Variants in OPCML observed in about 807,000 individuals in gnomAD.
OPCML encodes opioid-binding protein/cell adhesion molecule.
In OPCML, 13 loss-of-function variants were observed where a neutral mutation model predicts 37.8. The ratio of observed to expected loss-of-function variants is 0.34; its 90% CI spans 0.22 to 0.55. The LOEUF is 0.55. Among genes scored for constraint, OPCML ranks in the 20% least tolerant of loss-of-function variants. The pLI is 0.91. For missense variants in OPCML, 341 were observed against 435.6 expected (o/e 0.78, Z 1.93); for synonymous variants, 176 against 168.8 (o/e 1.04, Z -0.33).
At position 133,293,529 on chromosome 11, in the gene OPCML, A is replaced by T. The variant is rs562280805; in HGVS notation, c.61+238735T>A. 6.6e-5 allele frequency among the ~76,000 whole-genome samples: 10 copies of T among 152,258 alleles called. No homozygotes were observed. In the South Asian group the frequency reaches 2.1e-3, roughly 32 times the overall value. On this transcript the variant is annotated intron_variant, in intron 1 of 7. Transcript: ENST00000524381. ...AATGCTGGCTACTAAGTAATAAATA[A>T]CTAAATGTGTAGCATCTCTCCTTCC... is the stretch of plus-strand genomic sequence containing the variant.
intron 1 of OPCML, among the ~76,000 whole-genome samples, chr11:133,196,011 G>A (rs1423700539): frequency 6.6e-6 from 1 of 152,194 alleles, no homozygotes; most frequent in Non-Finnish European, 1.5e-5. Context: ...AGTGAGTTGA[G>A]ACTTTTGTTT....
intron 1 of OPCML, among the ~76,000 whole-genome samples, chr11:133,141,003 C>CGAAGAAGACGAAGAAGACGAAGAA (rs1315137469): frequency 3.8e-4 from 2 of 5,270 alleles, no homozygotes; most frequent in African/African-American, 7.9e-4. Flanking sequence ...AAGAAGACGA[C>CGAAGAAGACGAAGAAGACGAAGAA]GACGACGACG....
chr11:132,733,426 A>G (rs1945152007), intron 2 of OPCML, among the ~76,000 whole-genome samples: 1 of 152,174 alleles, frequency 6.6e-6, no homozygotes, highest in Non-Finnish European at 1.5e-5. Context: ...GGGGAAATAA[A>G]TTGGATATAT....
chr11:132,795,115 G>GAC (rs150540717), intron 2 of OPCML, among the ~76,000 whole-genome samples: 83 of 150,236 alleles, frequency 5.5e-4, no homozygotes, highest in Middle Eastern at 3.5e-3. Flanking sequence ...CACACACACA[G>GAC]ACACACACAC....
intron 2 of OPCML, among the ~76,000 whole-genome samples, chr11:132,737,019 T>A (rs1438813792): frequency 6.6e-6 from 1 of 152,214 alleles, no homozygotes; most frequent in African/African-American, 2.4e-5. Context: ...TGAAGTGGAT[T>A]TTGTTCCTTG....
chr11:133,338,576 T>C (rs751454656), intron 1 of OPCML, among the ~76,000 whole-genome samples: 2 of 152,326 alleles, frequency 1.3e-5, no homozygotes, highest in African/African-American at 2.4e-5. Flanking sequence ...TACTCTGCAC[T>C]GGACTTACCA....
At chr11:132,957,902 C>A (rs1946005186) in intron 1 of OPCML, among the ~76,000 whole-genome samples, 1 of 152,140 alleles carries the variant, frequency 6.6e-6, no homozygotes, top group African/African-American at 2.4e-5. Context: ...CCTCCCTGTT[C>A]CCTGAGACAC....
At chr11:132,727,977 T>C (rs1944945422) in intron 2 of OPCML, among the ~76,000 whole-genome samples, 1 of 152,174 alleles carries the variant, frequency 6.6e-6, no homozygotes, top group Non-Finnish European at 1.5e-5. Flanking sequence ...CAGTGGGGTT[T>C]GTCCTTCAGA....
At chr11:133,081,685 C>T (rs1948719290) in intron 1 of OPCML, among the ~76,000 whole-genome samples, 1 of 152,186 alleles carries the variant, frequency 6.6e-6, no homozygotes, top group Non-Finnish European at 1.5e-5. Flanking sequence ...GACCTAAGCA[C>T]CTCCTCTTAA....
At chr11:132,540,714 C>T (rs915104190) in intron 3 of OPCML, among the ~76,000 whole-genome samples, 1 of 152,160 alleles carries the variant, frequency 6.6e-6, no homozygotes, top group Non-Finnish European at 1.5e-5. Context: ...ATGCCAGGGG[C>T]TGGGTGACAT....
intron 1 of OPCML, among the ~76,000 whole-genome samples, chr11:133,317,981 C>A (rs1251386543): frequency 6.6e-6 from 1 of 152,134 alleles, no homozygotes; most frequent in Non-Finnish European, 1.5e-5. Flanking sequence ...CAGAACTACA[C>A]TAGGAGGTAG....
At chr11:132,503,554 A>C (rs2096250196) in intron 4 of OPCML, among the ~76,000 whole-genome samples, 1 of 152,208 alleles carries the variant, frequency 6.6e-6, no homozygotes, top group Non-Finnish European at 1.5e-5. Context: ...AAAAGTATCA[A>C]TATTATAACT....
At chr11:133,367,975 T>C (rs902121320) in intron 1 of OPCML, among the ~76,000 whole-genome samples, 4 of 152,210 alleles carry the variant, frequency 2.6e-5, no homozygotes, top group African/African-American at 9.6e-5. Context: ...GCTACAAAGA[T>C]GGGAAATTAC....
intron 1 of OPCML, among the ~76,000 whole-genome samples, chr11:133,313,613 C>T (rs745597182): frequency 3.9e-5 from 6 of 152,054 alleles, no homozygotes; most frequent in South Asian, 2.1e-4. Flanking sequence ...ACACCTGAAG[C>T]GGGGCCCAAG....
At chr11:133,324,310 A>C (rs1943401926) in intron 1 of OPCML, among the ~76,000 whole-genome samples, 1 of 152,158 alleles carries the variant, frequency 6.6e-6, no homozygotes, top group Non-Finnish European at 1.5e-5. Flanking sequence ...ACCTTGCTCA[A>C]ATCCAAGATG....
At chr11:133,421,868 C>T in intron 1 of OPCML, 1 of 675,870 alleles carries the variant, frequency 1.5e-6, no homozygotes, top group African/African-American at 2.0e-5. Flanking sequence ...GAATTCCTGA[C>T]CCACAGAAAC....
chr11:133,358,881 C>T (rs10894672), intron 1 of OPCML, among the ~76,000 whole-genome samples: 48,820 of 151,812 alleles, frequency 0.32, 9,006 homozygotes, highest in East Asian at 0.59. Context: ...ACAAGAACAA[C>T]GGTGCTGAAG....
intron 1 of OPCML, among the ~76,000 whole-genome samples, chr11:133,413,820 A>G (rs2136874342): frequency 6.6e-6 from 1 of 152,292 alleles, no homozygotes; most frequent in South Asian, 2.1e-4. Flanking sequence ...GTGAAAGGAA[A>G]GCTGATAAAG....
At chr11:132,542,291 T>A (rs564174603) in intron 3 of OPCML, among the ~76,000 whole-genome samples, 7 of 152,272 alleles carry the variant, frequency 4.6e-5, no homozygotes, top group Admixed American at 1.3e-4. Flanking sequence ...CCCCTCCTTG[T>A]CTCCATCAGC....
Sources: gnomAD v4.1 joint callset for allele counts (sites outside exome capture counted in the v4.1 genomes callset) on GRCh38, gnomAD v4.1.1 for gene constraint, MANE v1.5 for transcripts, NCBI Gene and HGNC (gene_info 2026-07-23, HGNC 2026-07-21) for gene names.